SHOX: variants seen among roughly 807,000 people sequenced by gnomAD.
SHOX encodes the protein SHOX homeobox.
A neutral mutation model predicts 29.6 loss-of-function variants in SHOX; 12 were observed. The observed-to-expected ratio is 0.41, with a 90% CI of 0.26 to 0.66. SHOX has a LOEUF of 0.66. Ranked by LOEUF, SHOX falls within the 30% of genes least tolerant of loss-of-function variation. The probability of loss-of-function intolerance (pLI) is 0.35; values close to 1 mark genes in which losing one functional copy is unlikely to be tolerated. For missense variants in SHOX, 499 were observed against 437.7 expected (o/e 1.14, Z -1.25); for synonymous variants, 214 against 200.6 (o/e 1.07, Z -0.57).
intron 1 of SHOX, chrX:624,724 T>TCTTTCTTTCTTTCTTTCTTTTCTTTCTTC: frequency 7.0e-6 from 1 of 143,132 alleles, no homozygotes; most frequent in South Asian, 2.3e-4. Flanking sequence ...TTTCTTTCTT[T>TCTTTCTTTCTTTCTTTCTTTTCTTTCTTC]CTTTCTTTCT....
Position 641,038 on chromosome X carries a change from G to C in SHOX, c.584G>C (p.Arg195Pro), listed in dbSNP as rs188370909. Residue 195 changes from arginine (R) to proline (P), a missense_variant, in exon 4 of 5, where the codon CGA becomes CCA. Transcript: ENST00000686671. ...LGTANHLDAC[R>P]VAPYVNMGAL... is the part of the protein sequence containing the mutation. ...ACAGCCAACCACCTAGACGCCTGCC[G>C]AGTGGCACCCTACGTCAACATGGGA... 1 of 1,613,842 alleles carries C rather than the reference G, an allele frequency of 6.2e-7. No homozygotes were observed. The highest frequency in any genetic ancestry group is 1.1e-5 in the South Asian group (1 of 91,054).
At chrX:627,341 C>G (rs760707128), upstream of SHOX, among the ~76,000 whole-genome samples, 42 of 152,224 alleles carry the variant, frequency 2.8e-4, no homozygotes, top group African/African-American at 9.9e-4. Flanking sequence ...AGCACTCAAA[C>G]GCTGGGTGTT....
In SHOX at chrX:641,008, T is replaced by C; in HGVS notation, c.554T>C (p.Leu185Ser). ...QENQMHKGVI[L>S]GTANHLDACR... ...CTCCCTTTGGACACAGGCGTCATCT[T>C]GGGCACAGCCAACCACCTAGACGCC... is the stretch of plus-strand genomic sequence containing the variant. The change falls in exon 4 of 5, where the codon TTG becomes TCG. Residue 185 changes from leucine (L) to serine (S), a missense_variant. Leu to Ser is a moderately radical substitution (Grantham distance 145). Transcript: ENST00000686671. The C allele has an allele frequency of 6.2e-7, 1 of 1,613,868 alleles. No individual in the cohort carries two copies. The highest frequency in any genetic ancestry group is 8.5e-7 in the Non-Finnish European group (1 of 1,179,862).
chrX:655,660 G>T (rs1374338945), downstream of SHOX, among the ~76,000 whole-genome samples: 1 of 128,376 alleles, frequency 7.8e-6, no homozygotes, highest in African/African-American at 3.0e-5. Flanking sequence ...ATATATATGA[G>T]TTTCAAAAAT....
At chrX:642,788 C>T (rs923984937) in intron 4 of SHOX, among the ~76,000 whole-genome samples, 2 of 150,950 alleles carry the variant, frequency 1.3e-5, no homozygotes, top group African/African-American at 4.9e-5. Flanking sequence ...GGCTTGGGTA[C>T]CTGGTTTCTC....
downstream of SHOX, among the ~76,000 whole-genome samples, chrX:652,684 T>C (rs1004945228): frequency 1.3e-5 from 2 of 152,032 alleles, no homozygotes; most frequent in African/African-American, 4.8e-5. Flanking sequence ...AGAGAAGGGG[T>C]TTCAGAGGCC....
upstream of SHOX, among the ~76,000 whole-genome samples, chrX:626,787 C>A (rs1405463353): frequency 1.3e-5 from 2 of 149,998 alleles, no homozygotes; most frequent in African/African-American, 5.0e-5. Flanking sequence ...TTTTCTCTGT[C>A]TCTGTATCTC....
upstream of SHOX, among the ~76,000 whole-genome samples, chrX:627,059 CCTCT>C (rs72181837): frequency 0.59 from 89,696 of 151,102 alleles, 30,369 homozygotes; most frequent in Non-Finnish European, 0.77. Context: ...TTCCCTCTCT[CCTCT>C]CTCTCTCTTT....
upstream of SHOX, among the ~76,000 whole-genome samples, chrX:628,253 C>T (rs1427626100): frequency 9.9e-5 from 12 of 121,264 alleles, no homozygotes; most frequent in African/African-American, 3.7e-4. Flanking sequence ...CCCAGTCTCT[C>T]CCTTTCTCTC....
At position 658,509 on chromosome X, in the gene SHOX, C is replaced by T. The variant is rs920716184; in HGVS notation, c.634-276C>T. On this transcript the variant is annotated intron_variant, in intron 5 of 5. Transcript: ENST00000334060. ...TTTTTGAGACGGAGTCTCGCTCTGT[C>T]ACCCAGGCTGGAGTGCAGTGGCACG... 3.4e-5 allele frequency among the ~76,000 whole-genome samples: 5 copies of T among 146,994 alleles called. No homozygotes were observed. In the East Asian group the frequency reaches 1.0e-3, roughly 30 times the overall value.
chrX:641,147 C>A, intron 4 of SHOX, 60 bp downstream of exon 4: 1 of 1,507,364 alleles, frequency 6.6e-7, no homozygotes, highest in Non-Finnish European at 9.2e-7. Flanking sequence ...TTCCCCTTTC[C>A]CCTATTTGCT....
chrX:646,537 G>T lies in SHOX; in HGVS notation c.*1901G>T, dbSNP rs866330846. 6.9e-6 allele frequency: 1 copy of T among 145,660 alleles called. No individual in the cohort carries two copies. 9.0% of individuals were successfully genotyped at this position (145,660 alleles called of 1,614,324 possible). The stretch of plus-strand genomic sequence containing the variant: ...ACTTCTCCCTGAGGTGGGGATAAAA[G>T]AAAAAAAAAAACAACTTCTTTTTTT... On this transcript the variant is annotated 3_prime_UTR_variant, in exon 5 of 5. Coordinates refer to ENST00000686671, the MANE Select transcript of SHOX (RefSeq NM_000451.4).
rs761493152 is a variant in SHOX, at chrX:634,641, C to A, written c.301C>A (p.Arg101Ser). Residue 101 changes from arginine to serine, a missense_variant, in exon 2 of 5, where the codon CGC (arginine) becomes AGC (serine). By Grantham distance (110) the Arg-to-Ser change is moderately radical. Coordinates refer to ENST00000686671, the MANE Select transcript of SHOX (RefSeq NM_000451.4). ...AGGGATTTATGAATGCAAAGAGAAGCGCGAGGACGTGAAGTCGGAGGACGA... is the reference window on the plus strand; with the variant it reads ...AGGGATTTATGAATGCAAAGAGAAGAGCGAGGACGTGAAGTCGGAGGACGA... ...AEGIYECKEKREDVKSEDEDG... is the reference protein window; with the variant it reads ...AEGIYECKEKSEDVKSEDEDG... 4 of 1,613,720 alleles carry A rather than the reference C, an allele frequency of 2.5e-6. No homozygotes were observed. The highest frequency in any genetic ancestry group is 1.3e-5 in the African/African-American group (1 of 74,932).
rs371688450 is a variant in SHOX, at chrX:642,149, C to T, written c.633+1062C>T. Among the ~76,000 whole-genome samples the T allele has an allele frequency of 8.2e-4, 125 of 152,284 alleles. 2 individuals are homozygous for T. Among genetic ancestry groups the T allele is most frequent in the African/African-American group, 2.9e-3 (121 of 41,564 alleles). ...TGGGATGGGGGGAAGCGGGGAGCTG[C>T]GTGGAAGGAGGTGAAGGGTCACAGG... On this transcript the variant is annotated intron_variant, in intron 4 of 4. Transcript: ENST00000686671.
At position 650,357 on chromosome X, in the gene SHOX, C is replaced by T. The variant is rs1184285547; in HGVS notation, c.*5721C>T. The stretch of plus-strand genomic sequence containing the variant: ...TCCCGCCAAAGTCCAGCCAGGCCCC[C>T]GAAATGGTCCCATTTCCTTGGAAGC... On this transcript the variant is annotated 3_prime_UTR_variant, in exon 5 of 5. Transcript: ENST00000686671. Among the ~76,000 whole-genome samples, 1 of 152,132 alleles carries T rather than the reference C, an allele frequency of 6.6e-6. No homozygotes were observed. The highest frequency in any genetic ancestry group is 1.9e-4 in the East Asian group (1 of 5,164).
At chrX:629,316 C>T (rs2052604453), upstream of SHOX, among the ~76,000 whole-genome samples, 2 of 136,904 alleles carry the variant, frequency 1.5e-5, no homozygotes, top group South Asian at 2.4e-4. Context: ...TCTCTGTCTC[C>T]ATCTCTCTCT....
rs761587425 is a variant in SHOX at position 634,594 on chromosome X, C to T, written c.278-24C>T. The stretch of plus-strand genomic sequence containing the variant: ...GCGCAAAACCTCCCCGGCCTCAGCC[C>T]TGTGCCCTCCGCTCCCCACGCAGGG... On this transcript the variant is annotated intron_variant, in intron 1 of 4. Transcript: ENST00000686671. The T allele has an allele frequency of 3.7e-6, 6 of 1,611,582 alleles. No homozygotes were observed. In the Admixed American group the frequency reaches 5.0e-5, roughly 13 times the overall value.
chrX:642,021 G>C (rs1263879576), intron 4 of SHOX, among the ~76,000 whole-genome samples: 1 of 152,218 alleles, frequency 6.6e-6, no homozygotes, highest in Non-Finnish European at 1.5e-5. Flanking sequence ...AGCAGCGCTT[G>C]GGTGCCCAGC....
intron 1 of SHOX, among the ~76,000 whole-genome samples, chrX:631,388 G>GA (rs1330522991): frequency 6.6e-6 from 1 of 152,216 alleles, no homozygotes; most frequent in Admixed American, 6.5e-5. Context: ...GGTGCGGGGG[G>GA]ACCCAGGGAG....
Sources: gnomAD v4.1 joint callset for allele counts (sites outside exome capture counted in the v4.1 genomes callset) on GRCh38, gnomAD v4.1.1 for gene constraint, MANE v1.5 for transcripts, NCBI Gene and HGNC (gene_info 2026-07-23, HGNC 2026-07-21) for gene names.